Variants in ATP10D observed in about 807,000 individuals in gnomAD.
The protein encoded by ATP10D is ATPase phospholipid transporting 10D (putative).
ATP10D carries 89 observed loss-of-function variants against 144.8 expected under a neutral mutation model. The ratio of observed to expected loss-of-function variants is 0.61; its 90% CI spans 0.52 to 0.73. The LOEUF (loss-of-function observed/expected upper bound fraction) is 0.73, where lower values mean the gene tolerates loss of function less well. ATP10D is among the 30% of genes least tolerant of loss of function. ATP10D has a pLI of 0.00. For synonymous variants in ATP10D, 571 were observed against 615.1 expected (o/e 0.93, Z 1.06); for missense variants, 1,603 against 1,714.8 (o/e 0.93, Z 1.15).
intron 18 of ATP10D, among the ~76,000 whole-genome samples, chr4:47,576,246 T>TC (rs1720240439): frequency 6.6e-6 from 1 of 152,130 alleles, no homozygotes; most frequent in Non-Finnish European, 1.5e-5. Flanking sequence ...GTCTCCAATG[T>TC]CATGGCCTAA....
chr4:47,573,791 A>AT (rs1266416181), intron 18 of ATP10D, among the ~76,000 whole-genome samples: 6 of 152,228 alleles, frequency 3.9e-5, no homozygotes, highest in Non-Finnish European at 7.3e-5. Context: ...CTCTATTAAA[A>AT]TACCATTTTT....
At chr4:47,585,554 A>T (rs1193838731) in intron 21 of ATP10D, among the ~76,000 whole-genome samples, 1 of 152,180 alleles carries the variant, frequency 6.6e-6, no homozygotes, top group African/African-American at 2.4e-5. Flanking sequence ...GACTATAGTC[A>T]TCCCATTATG....
At chr4:47,503,177 G>A (rs971759875) in intron 1 of ATP10D, among the ~76,000 whole-genome samples, 1 of 152,110 alleles carries the variant, frequency 6.6e-6, no homozygotes, top group African/African-American at 2.4e-5. Context: ...ACTCCAGCCT[G>A]GGTGACAGAG....
At chr4:47,516,665 T>C (rs1716704785) in intron 3 of ATP10D, among the ~76,000 whole-genome samples, 1 of 152,238 alleles carries the variant, frequency 6.6e-6, no homozygotes, top group Admixed American at 6.5e-5. Context: ...ACAATGTTTG[T>C]TTTTATGATC....
At chr4:47,531,502 A>C (rs78745880) in intron 5 of ATP10D, among the ~76,000 whole-genome samples, 4,967 of 152,290 alleles carry the variant, frequency 0.033, 253 homozygotes, top group African/African-American at 0.11. Context: ...CAGATCATGA[A>C]GAGGCCAGAG....
intron 1 of ATP10D, among the ~76,000 whole-genome samples, chr4:47,502,036 T>C (rs1715707271): frequency 6.6e-6 from 1 of 152,204 alleles, no homozygotes; most frequent in Non-Finnish European, 1.5e-5. Context: ...GAACTCACCA[T>C]AAATGAGTAA....
chr4:47,510,227 A>T (rs1716251871), intron 1 of ATP10D, among the ~76,000 whole-genome samples: 1 of 152,070 alleles, frequency 6.6e-6, no homozygotes, highest in Non-Finnish European at 1.5e-5. Flanking sequence ...CTCTGATCCA[A>T]GGGTCACTTT....
At chr4:47,548,412 C>CG (rs1484279078) in intron 10 of ATP10D, among the ~76,000 whole-genome samples, 1 of 152,194 alleles carries the variant, frequency 6.6e-6, no homozygotes, top group Non-Finnish European at 1.5e-5. Flanking sequence ...CATCCGAGCT[C>CG]TGTTTACACC....
intron 15 of ATP10D, among the ~76,000 whole-genome samples, chr4:47,565,656 G>A (rs551635730): frequency 2.4e-3 from 371 of 152,106 alleles, no homozygotes; most frequent in African/African-American, 8.5e-3. Flanking sequence ...GATGAGAGGG[G>A]TTCAGTAAGC....
intron 12 of ATP10D, 90 bp downstream of exon 12, chr4:47,558,363 A>G (rs1205620831): frequency 6.7e-7 from 1 of 1,490,050 alleles, no homozygotes; most frequent in Non-Finnish European, 9.0e-7. Flanking sequence ...GCAAAGAAAC[A>G]GCTATCTGGG....
In ATP10D at chr4:47,547,412, G is replaced by A. The variant is rs76470140; in HGVS notation, c.1635+550G>A. On this transcript the variant is annotated intron_variant, in intron 10 of 22. Coordinates refer to ENST00000273859, the MANE Select transcript of ATP10D (RefSeq NM_020453.4). ...CATGAGTTCCAGTGGGAAGTGTCAG[G>A]AACTGTCTAGTCACATCCATTAACA... 525 of 155,850 alleles carry A rather than the reference G, an allele frequency of 3.4e-3. 7 individuals are homozygous for A. Among genetic ancestry groups the A allele is most frequent in the East Asian group, 0.03 (156 of 5,278 alleles). 9.7% of individuals were successfully genotyped at this position (155,850 alleles called of 1,614,324 possible).
chr4:47,520,810 GC>G (rs1338411806), intron 3 of ATP10D, among the ~76,000 whole-genome samples: 3 of 152,052 alleles, frequency 2.0e-5, no homozygotes, highest in East Asian at 3.9e-4. Flanking sequence ...CCTGTGATCC[GC>G]CCCCCTCGGC....
chr4:47,539,967 A>G (rs1277254050), intron 9 of ATP10D, among the ~76,000 whole-genome samples: 2 of 152,214 alleles, frequency 1.3e-5, no homozygotes, highest in South Asian at 2.1e-4. Flanking sequence ...TCCTGACTGA[A>G]CTGTAATTGA....
chr4:47,538,691 C>T (rs1022059009), intron 9 of ATP10D, among the ~76,000 whole-genome samples: 5 of 152,166 alleles, frequency 3.3e-5, no homozygotes, highest in South Asian at 2.1e-4. Flanking sequence ...ACTGGTATTT[C>T]GCAGAATTCA....
intron 1 of ATP10D, among the ~76,000 whole-genome samples, chr4:47,511,707 G>A (rs192162129): frequency 2.0e-5 from 3 of 152,196 alleles, no homozygotes; most frequent in East Asian, 1.9e-4. Context: ...TGGGCAAGTC[G>A]GGCTGAGCTC....
intron 1 of ATP10D, among the ~76,000 whole-genome samples, chr4:47,508,401 G>A (rs1577623714): frequency 1.3e-5 from 2 of 152,196 alleles, no homozygotes; most frequent in Admixed American, 1.3e-4. Flanking sequence ...TCTGTGGCTT[G>A]AGAAACACTT....
chr4:47,523,350 A>G, intron 4 of ATP10D, 134 bp downstream of exon 4: 1 of 736,256 alleles, frequency 1.4e-6, no homozygotes, highest in South Asian at 1.8e-5. Flanking sequence ...AGAAGGTTTC[A>G]TTCACTTCCA....
chr4:47,572,352 A>C, intron 17 of ATP10D, 122 bp downstream of exon 17: 1 of 818,020 alleles, frequency 1.2e-6, no homozygotes, highest in Non-Finnish European at 2.0e-6. Flanking sequence ...GGAGTGGGAG[A>C]CAGGAAGTTT....
At chr4:47,527,093 G>T (rs185072596) in intron 5 of ATP10D, among the ~76,000 whole-genome samples, 2 of 152,206 alleles carry the variant, frequency 1.3e-5, no homozygotes, top group East Asian at 3.9e-4. Context: ...TGTCATTTTG[G>T]CATAAAGATA....
Sources: allele counts gnomAD v4.1 joint callset (sites outside exome capture counted in the v4.1 genomes callset), GRCh38; gene constraint gnomAD v4.1.1; transcripts MANE v1.5; gene names NCBI Gene and HGNC (gene_info 2026-07-23, HGNC 2026-07-21).